The following MID1 variants were observed in gnomAD, a reference collection of about 807,000 sequenced individuals.
The protein encoded by MID1 is midline 1.
In MID1, 7 loss-of-function variants were observed where a neutral mutation model predicts 40.4. The ratio of observed to expected loss-of-function variants is 0.17; its 90% CI spans 0.10 to 0.33. The LOEUF is 0.33. MID1 is among the 10% of genes least tolerant of loss of function. The probability of loss-of-function intolerance (pLI) is 1.00; values close to 1 mark genes in which losing one functional copy is unlikely to be tolerated. For synonymous variants in MID1, 229 were observed against 221.2 expected (o/e 1.04, Z -0.31); for missense variants, 367 against 558.5 (o/e 0.66, Z 3.46).
intron 7 of MID1, among the ~76,000 whole-genome samples, chrX:10,467,407 C>A (rs1003926797): frequency 1.2e-4 from 13 of 111,860 alleles, no homozygotes; most frequent in African/African-American, 4.2e-4. Context: ...TGCGACTTGC[C>A]CCAAAAAGCA....
intron 1 of MID1, among the ~76,000 whole-genome samples, chrX:10,762,071 T>C (rs944131856): frequency 1.6e-4 from 18 of 111,789 alleles, no homozygotes; most frequent in African/African-American, 5.8e-4. Context: ...AATTACAATA[T>C]TTACCTTGAA....
chrX:10,527,529 C>T (rs763379514), intron 2 of MID1, among the ~76,000 whole-genome samples: 19 of 111,982 alleles, frequency 1.7e-4, no homozygotes, highest in African/African-American at 6.2e-4. Context: ...CAGTTCCAGA[C>T]ACTAGAAGGG....
chrX:10,716,207 G>A (rs749307034), intron 1 of MID1, among the ~76,000 whole-genome samples: 2 of 112,238 alleles, frequency 1.8e-5, no homozygotes, highest in African/African-American at 6.5e-5. Flanking sequence ...TGATTTTGAC[G>A]AGTTGAGAGA....
chrX:10,784,325 A>C (rs1342271615), intron 1 of MID1, among the ~76,000 whole-genome samples: 3 of 111,846 alleles, frequency 2.7e-5, no homozygotes, highest in African/African-American at 9.8e-5. Flanking sequence ...CAATGGCAGC[A>C]TTCATATGAG....
chrX:10,494,056 G>A (rs1931098218), intron 4 of MID1, among the ~76,000 whole-genome samples: 1 of 112,239 alleles, frequency 8.9e-6, no homozygotes, highest in African/African-American at 3.2e-5. Flanking sequence ...GACACTCAGT[G>A]CTCTTCTAAA....
chrX:10,803,275 T>G (rs1391032611), intron 1 of MID1, among the ~76,000 whole-genome samples: 1 of 110,629 alleles, frequency 9.0e-6, no homozygotes, highest in Non-Finnish European at 1.9e-5. Context: ...AGAGAGAGAT[T>G]TATACATAAA....
At position 10,731,966 on chromosome X, in the gene MID1, C is replaced by CAAAAAA. The variant is rs754605735; in HGVS notation, c.-187+101582_-187+101587dup. Among the ~76,000 whole-genome samples the CAAAAAA allele has an allele frequency of 3.5e-3, 92 of 26,642 alleles. 4 individuals are homozygous for CAAAAAA. Among genetic ancestry groups the CAAAAAA allele is most frequent in the African/African-American group, 8.3e-3 (87 of 10,420 alleles). 23.1% of individuals were successfully genotyped at this position (26,642 alleles called of 115,157 possible). ...TGGGCGACAGAGCAAGAATCTATCA[C>CAAAAAA]AAAAAAAAAAAAAAAAAAAAAAAAA... On this transcript the variant is annotated intron_variant, in intron 1 of 10. Transcript: ENST00000380785.
chrX:10,684,413 T>C (rs903730139), intron 1 of MID1, among the ~76,000 whole-genome samples: 2 of 106,090 alleles, frequency 1.9e-5, no homozygotes, highest in Admixed American at 2.0e-4. Context: ...CTTTTCTTTT[T>C]TTTTTTTTGA....
chrX:10,793,023 G>T (rs2043943868), intron 1 of MID1, among the ~76,000 whole-genome samples: 1 of 112,327 alleles, frequency 8.9e-6, no homozygotes, highest in African/African-American at 3.2e-5. Flanking sequence ...TAGGAGCTAA[G>T]AAGATTTGGA....
intron 1 of MID1, among the ~76,000 whole-genome samples, chrX:10,803,711 A>T (rs1377022246): frequency 9.0e-6 from 1 of 111,523 alleles, no homozygotes; most frequent in African/African-American, 3.3e-5. Context: ...TTTGAATATG[A>T]TATGGCTAGG....
intron 1 of MID1, among the ~76,000 whole-genome samples, chrX:10,821,777 A>G (rs2044176240): frequency 9.0e-6 from 1 of 111,565 alleles, no homozygotes; most frequent in Non-Finnish European, 1.9e-5. Context: ...CCCCATAAAC[A>G]TATTTCTCAC....
At chrX:10,485,803 G>C (rs1289395748) in intron 4 of MID1, among the ~76,000 whole-genome samples, 1 of 111,899 alleles carries the variant, frequency 8.9e-6, no homozygotes, top group African/African-American at 3.2e-5. Flanking sequence ...AACTGAAAAT[G>C]AGGCCTGTTC....
intron 1 of MID1, among the ~76,000 whole-genome samples, chrX:10,825,947 C>T (rs1170004626): frequency 1.8e-5 from 2 of 111,310 alleles, no homozygotes; most frequent in Non-Finnish European, 3.8e-5. Flanking sequence ...TTGATTGTTC[C>T]AAAAATTCTT....
chrX:10,629,695 T>C (rs1017970724), intron 1 of MID1, among the ~76,000 whole-genome samples: 1 of 111,946 alleles, frequency 8.9e-6, no homozygotes, highest in Non-Finnish European at 1.9e-5. Flanking sequence ...GTGAATGAGG[T>C]TTTCCTTTTC....
At chrX:10,484,554 G>A (rs747488767) in intron 4 of MID1, among the ~76,000 whole-genome samples, 7 of 111,837 alleles carry the variant, frequency 6.3e-5, no homozygotes, top group Admixed American at 5.7e-4. Context: ...TGAAAATATC[G>A]GAATGTTCTA....
intron 2 of MID1, among the ~76,000 whole-genome samples, chrX:10,552,169 G>T (rs1184476143): frequency 1.5e-5 from 1 of 64,585 alleles, no homozygotes; most frequent in Non-Finnish European, 2.9e-5. Flanking sequence ...TGAAGGAGTG[G>T]TAAAAAAAAA....
intron 2 of MID1, among the ~76,000 whole-genome samples, chrX:10,533,368 G>GAAAGAAAGAA (rs1933077328): frequency 1.9e-5 from 1 of 53,909 alleles, no homozygotes; most frequent in Non-Finnish European, 3.3e-5. Context: ...AAGAAAGAAA[G>GAAAGAAAGAA]AAAGAAAGAA....
At chrX:10,530,407 T>C (rs921863006) in intron 2 of MID1, among the ~76,000 whole-genome samples, 1 of 112,111 alleles carries the variant, frequency 8.9e-6, no homozygotes, top group Admixed American at 9.5e-5. Context: ...CAAGGATACC[T>C]GTGGGCAGAT....
intron 3 of MID1, among the ~76,000 whole-genome samples, chrX:10,511,801 T>C (rs936704663): frequency 2.7e-5 from 3 of 112,649 alleles, no homozygotes; most frequent in Non-Finnish European, 5.6e-5. Context: ...TGAGATATCT[T>C]GGGGATAGGA....
Sources: allele counts gnomAD v4.1 joint callset (sites outside exome capture counted in the v4.1 genomes callset), GRCh38; gene constraint gnomAD v4.1.1; transcripts MANE v1.5; gene names NCBI Gene and HGNC (gene_info 2026-07-23, HGNC 2026-07-21).